Variants in C1QTNF6 observed in about 807,000 individuals in gnomAD.
The protein encoded by C1QTNF6 is C1q and TNF related 6, also known as complement C1q tumor necrosis factor-related protein 6.
C1QTNF6 carries 17 observed loss-of-function variants against 20.7 expected under a neutral mutation model. The ratio of observed to expected loss-of-function variants is 0.82; its 90% CI spans 0.56 to 1.23. The LOEUF is 1.23. C1QTNF6 is among the 50% of genes most tolerant of loss of function. The pLI is 0.00. For missense variants in C1QTNF6, 329 were observed against 389.7 expected (o/e 0.84, Z 1.31); for synonymous variants, 130 against 156.3 (o/e 0.83, Z 1.25).
Position 37,184,535 on chromosome 22 carries a change from AGCCCTCACCTGGATG to A in C1QTNF6, c.289+668_289+682del, listed in dbSNP as rs1160644015. 6.7e-5 allele frequency: 47 copies of A among 705,296 alleles called. No homozygotes were observed. The highest frequency in any genetic ancestry group is 4.8e-4 in the Admixed American group (24 of 49,606). 43.7% of individuals were successfully genotyped at this position (705,296 alleles called of 1,614,324 possible). On this transcript the variant is annotated intron_variant, in intron 2 of 2. Coordinates refer to ENST00000337843, the MANE Select transcript of C1QTNF6 (RefSeq NM_031910.4). This position sits in a 1 kb window ranked among gnomAD's most constrained non-coding sequence, Gnocchi z 4.0. ...TCACCTGGACAGCCCTCACCTGGAC[AGCCCTCACCTGGATG>A]GCCCTCACCTGGACAGGCCCCACAG...
Position 37,184,474 on chromosome 22 carries a change from G to T in C1QTNF6, c.289+744C>A. The T allele has an allele frequency of 1.4e-6, 1 of 715,354 alleles. No individual in the cohort carries two copies. 44.3% of individuals were successfully genotyped at this position (715,354 alleles called of 1,614,324 possible). ...GCGGGTAGCCAGCCCGCACCTGGAC[G>T]GCCCTCACCTGGATGCCTTTCACCT... On this transcript the variant is annotated intron_variant, in intron 2 of 2. Coordinates refer to ENST00000337843, the MANE Select transcript of C1QTNF6 (RefSeq NM_031910.4). The surrounding 1 kb of genome is among the most constrained non-coding windows in gnomAD (Gnocchi z 4.0).
chr22:37,188,737 G>A (rs1448924575), upstream of C1QTNF6, among the ~76,000 whole-genome samples: 1 of 152,250 alleles, frequency 6.6e-6, no homozygotes, highest in African/African-American at 2.4e-5. Context: ...AGGTGTTCCA[G>A]AACTGCAGTC....
chr22:37,185,104 A>G (rs1340506404), intron 2 of C1QTNF6, 114 bp downstream of exon 2: 12 of 1,448,454 alleles, frequency 8.3e-6, no homozygotes, highest in Non-Finnish European at 1.1e-5. Context: ...TTGGGGCTCA[A>G]TAACTCAGGA....
At chr22:37,186,956 C>A (rs1274167907) in intron 1 of C1QTNF6, among the ~76,000 whole-genome samples, 1 of 152,162 alleles carries the variant, frequency 6.6e-6, no homozygotes, top group African/African-American at 2.4e-5. Context: ...TGACTTACTC[C>A]TGCAATCCCA....
chr22:37,198,527 GACAGT>G (rs1172662361), upstream of C1QTNF6, among the ~76,000 whole-genome samples: 2 of 152,022 alleles, frequency 1.3e-5, no homozygotes, highest in Non-Finnish European at 2.9e-5. Flanking sequence ...AGGGAGACAG[GACAGT>G]AAACATGATT....
chr22:37,186,824 A>T (rs1462211403), intron 1 of C1QTNF6, among the ~76,000 whole-genome samples: 4 of 151,960 alleles, frequency 2.6e-5, no homozygotes, highest in Non-Finnish European at 5.9e-5. Context: ...ATTCAAAAAT[A>T]TTTTTTTTGT....
At position 37,184,585 on chromosome 22, in the gene C1QTNF6, C is replaced by G; in HGVS notation, c.289+633G>C. 1 of 656,160 alleles carries G rather than the reference C, an allele frequency of 1.5e-6. No individual in the cohort carries two copies. The highest frequency in any genetic ancestry group is 2.2e-5 in the Admixed American group (1 of 44,582). The allele number at this position is 656,160 out of a possible 1,614,324, so 40.6% of individuals were successfully genotyped here. The stretch of plus-strand genomic sequence containing the variant: ...TGGACAGGCCCCACAGGGCTGCATG[C>G]TCCGACCCTCGGCCCCCGCTGGTTG... On this transcript the variant is annotated intron_variant, in intron 2 of 2. Coordinates refer to ENST00000337843, the MANE Select transcript of C1QTNF6 (RefSeq NM_031910.4). This position sits in a 1 kb window ranked among gnomAD's most constrained non-coding sequence, Gnocchi z 4.0.
At chr22:37,193,765 C>T (rs5756546) in intron 2 of C1QTNF6, among the ~76,000 whole-genome samples, 27,432 of 152,078 alleles carry the variant, frequency 0.18, 2,686 homozygotes, top group Non-Finnish European at 0.23. Context: ...GATCTAGAAT[C>T]GCCAAGGGTA....
upstream of C1QTNF6, among the ~76,000 whole-genome samples, chr22:37,189,281 T>G (rs1924654297): frequency 6.6e-6 from 1 of 152,198 alleles, no homozygotes; most frequent in Non-Finnish European, 1.5e-5. Context: ...TGGCAGGTTT[T>G]GGCTGGTTTG....
chr22:37,188,544 C>T (rs5995395), upstream of C1QTNF6: 7,999 of 241,038 alleles, frequency 0.033, 592 homozygotes, highest in African/African-American at 0.17. Context: ...AGGCATGGGG[C>T]ACAGGAGCCC....
chr22:37,189,062 T>C (rs555122354), upstream of C1QTNF6, among the ~76,000 whole-genome samples: 1 of 152,350 alleles, frequency 6.6e-6, no homozygotes, highest in East Asian at 1.9e-4. Flanking sequence ...GGATTATTCA[T>C]GAGTTTTCCA....
rs775522637 is a variant in C1QTNF6 at position 37,182,615 on chromosome 22, G to T, written c.410C>A (p.Ala137Asp). 6.2e-7 allele frequency: 1 copy of T among 1,613,712 alleles called. No homozygotes were observed. Among genetic ancestry groups the T allele is most frequent in the East Asian group, 2.2e-5 (1 of 44,862 alleles). The change falls in exon 3 of 3, where the codon GCC becomes GAC. Residue 137 changes from alanine (A) to aspartate (D), a missense_variant. Coordinates refer to ENST00000337843, the MANE Select transcript of C1QTNF6 (RefSeq NM_031910.4). ...GGCGAAGAAGCGCTTCTGGCACGGG[G>T]CGCCGGGGCTGCCCATCTCCCCCTT... ...GDKGEMGSPGAPCQKRFFAFS... is the reference protein window; with the variant it reads ...GDKGEMGSPGDPCQKRFFAFS...
upstream of C1QTNF6, among the ~76,000 whole-genome samples, chr22:37,189,916 G>A (rs1462324055): frequency 6.6e-6 from 1 of 152,212 alleles, no homozygotes; most frequent in Non-Finnish European, 1.5e-5. Flanking sequence ...ATTCCCAGGA[G>A]GTTAGGCATT....
intron 1 of C1QTNF6, among the ~76,000 whole-genome samples, chr22:37,186,484 A>AC (rs1297942602): frequency 6.6e-6 from 1 of 152,172 alleles, no homozygotes; most frequent in Non-Finnish European, 1.5e-5. Flanking sequence ...GGTAAATTGG[A>AC]ATTAAGGGGT....
Position 37,181,012 on chromosome 22 carries a change from C to T in C1QTNF6, c.*1176G>A, listed in dbSNP as rs117040702. 0.012 allele frequency: 1,905 copies of T among 152,542 alleles called. 14 individuals carry two copies. Among genetic ancestry groups the T allele is most frequent in the Non-Finnish European group, 0.02 (1,385 of 68,232 alleles). 9.4% of individuals were successfully genotyped at this position (152,542 alleles called of 1,614,324 possible). A position where few individuals can be genotyped will look rare whatever the true frequency, so the allele number is the denominator to read the frequency against. On this transcript the variant is annotated 3_prime_UTR_variant, in exon 3 of 3. Transcript: ENST00000337843. Reference sequence around the variant, plus strand: ...GTTTGCTGTAACGATGAGCACTGGGCAGGTGGATGAGGAACGGGAAGGAGA... The same window carrying T: ...GTTTGCTGTAACGATGAGCACTGGGTAGGTGGATGAGGAACGGGAAGGAGA...
rs1601627261 is a variant in C1QTNF6 at position 37,184,022 on chromosome 22, C to T, written c.289+1196G>A. 6.6e-6 allele frequency among the ~76,000 whole-genome samples: 1 copy of T among 152,218 alleles called. No individual in the cohort carries two copies. The highest frequency in any genetic ancestry group is 2.1e-4 in the South Asian group (1 of 4,808). Reference sequence around the variant, plus strand: ...CCTCCCAGCAGGCTGCTGAGCTGGGCCCAGGAGCAGTGACCCTGGGTTTGG... The same window carrying T: ...CCTCCCAGCAGGCTGCTGAGCTGGGTCCAGGAGCAGTGACCCTGGGTTTGG... On this transcript the variant is annotated intron_variant, in intron 2 of 2. Coordinates refer to ENST00000337843, the MANE Select transcript of C1QTNF6 (RefSeq NM_031910.4). The surrounding 1 kb of genome is among the most constrained non-coding windows in gnomAD (Gnocchi z 4.0).
chr22:37,186,569 G>A (rs923727583), intron 1 of C1QTNF6, among the ~76,000 whole-genome samples: 19 of 152,214 alleles, frequency 1.2e-4, no homozygotes, highest in Admixed American at 1.0e-3. Flanking sequence ...TCTGGCCTTG[G>A]CCAAGAAGGG....
chr22:37,184,567 GC>G lies in C1QTNF6; in HGVS notation c.289+650del. ...ACCTGGATGGCCCTCACCTGGACAG[GC>G]CCCACAGGGCTGCATGCTCCGACCC... On this transcript the variant is annotated intron_variant, in intron 2 of 2. Coordinates refer to ENST00000337843, the MANE Select transcript of C1QTNF6 (RefSeq NM_031910.4). The surrounding 1 kb of genome is among the most constrained non-coding windows in gnomAD (Gnocchi z 4.0). 1.5e-6 allele frequency: 1 copy of G among 656,600 alleles called. No individual in the cohort carries two copies. The highest frequency in any genetic ancestry group is 2.8e-5 in the East Asian group (1 of 35,902). The allele number at this position is 656,600 out of a possible 1,614,324, so 40.7% of individuals were successfully genotyped here.
intron 1 of C1QTNF6, among the ~76,000 whole-genome samples, chr22:37,187,692 G>GC (rs5845323): frequency 0.42 from 64,322 of 151,974 alleles, 13,906 homozygotes; most frequent in East Asian, 0.69. Flanking sequence ...ATTGGCCCCA[G>GC]CGGATGGGAG....
Sources: gnomAD v4.1 joint callset for allele counts (sites outside exome capture counted in the v4.1 genomes callset) on GRCh38, gnomAD v4.1.1 for gene constraint, Gnocchi (gnomAD v3.1) non-coding constraint, MANE v1.5 for transcripts, NCBI Gene and HGNC (gene_info 2026-07-23, HGNC 2026-07-21) for gene names.